PSEN1: variants seen among roughly 807,000 people sequenced by gnomAD.
PSEN1 encodes presenilin-1.
Under a neutral mutation model 53.5 loss-of-function variants are expected in PSEN1, and 15 were observed. The ratio of observed to expected loss-of-function variants is 0.28; its 90% confidence interval spans 0.19 to 0.43. The LOEUF (loss-of-function observed/expected upper bound fraction) is 0.43. Among genes scored for constraint, PSEN1 ranks in the 20% least tolerant of loss-of-function variants. The pLI is 1.00. For synonymous variants in PSEN1, 208 were observed against 209.8 expected, an observed-to-expected ratio of 0.99 and a Z score of 0.08; for missense variants, 387 against 571.2, an observed-to-expected ratio of 0.68 and a Z score of 3.29.
rs140189461 is a variant in PSEN1, at chr14:73,170,833, C to G, written c.124C>G (p.Arg42Gly). The change falls in exon 4 of 12, where the codon CGG becomes GGG. Residue 42 changes from arginine (R) to glycine (G), a missense_variant. Arg to Gly is a moderately radical substitution (Grantham distance 125, BLOSUM62 -2). Around this residue, in one of 4 missense-constraint regions of PSEN1, gnomAD observed 99 missense variants for 101.5 expected, o/e 0.98. Coordinates refer to ENST00000324501, the MANE Select transcript of PSEN1 (RefSeq NM_000021.4). ...AGAACGGCAGGAGCACAACGACAGA[C>G]GGAGCCTTGGCCACCCTGAGCCATT... Reference protein sequence around the residue: ...NRERQEHNDRRSLGHPEPLSN... With the variant: ...NRERQEHNDRGSLGHPEPLSN... 33 of 1,614,044 alleles carry G rather than the reference C, an allele frequency of 2.0e-5. No individual in the cohort carries two copies. Among genetic ancestry groups the G allele is most frequent in the Middle Eastern group, 1.6e-4 (1 of 6,084 alleles).
At position 73,173,599 on chromosome 14, in the gene PSEN1, T is replaced by C; in HGVS notation, c.372T>C (p.Thr124=). The C allele has an allele frequency of 6.2e-7, 1 of 1,614,108 alleles. No individual in the cohort carries two copies. The change falls in exon 5 of 12, where the codon ACT becomes ACC. Residue 124 remains threonine, a synonymous_variant. Coordinates refer to ENST00000324501, the MANE Select transcript of PSEN1 (RefSeq NM_000021.4). ...IYTPFTEDTE[T]VGQRALHSIL... ...CCCCATTCACAGAAGATACCGAGAC[T>C]GTGGGCCAGAGAGCCCTGCACTCAA...
At chr14:73,177,286 A>C (rs1408375478) in intron 5 of PSEN1, among the ~76,000 whole-genome samples, 1 of 151,792 alleles carries the variant, frequency 6.6e-6, no homozygotes. Flanking sequence ...TCCTTTGCAT[A>C]TCTCTTCTAC....
chr14:73,148,882 G>T (rs2140509787), intron 3 of PSEN1, among the ~76,000 whole-genome samples: 1 of 152,168 alleles, frequency 6.6e-6, no homozygotes, highest in East Asian at 1.9e-4. Context: ...ACAGTGAGCT[G>T]ACGTCGCGCC....
chr14:73,143,169 A>G (rs971942311), intron 1 of PSEN1, among the ~76,000 whole-genome samples: 1 of 152,192 alleles, frequency 6.6e-6, no homozygotes, highest in Admixed American at 6.5e-5. Flanking sequence ...CCGAAATCAA[A>G]TCTAGCTTTG....
intron 7 of PSEN1, among the ~76,000 whole-genome samples, chr14:73,194,239 C>CT (rs142355580): frequency 0.092 from 13,679 of 149,096 alleles, 1,586 homozygotes; most frequent in African/African-American, 0.28. Flanking sequence ...TGGCCATACT[C>CT]TTTTTTTTTT....
At chr14:73,151,267 A>G (rs1325262569) in intron 3 of PSEN1, among the ~76,000 whole-genome samples, 1 of 152,216 alleles carries the variant, frequency 6.6e-6, no homozygotes, top group Non-Finnish European at 1.5e-5. Context: ...AACATTTGGT[A>G]GGTTCCAGTT....
rs745315765 is a variant in PSEN1, at chr14:73,198,144, AGGATAT to A, written c.868+16_868+21del. The A allele has an allele frequency of 4.1e-6, 6 of 1,450,708 alleles. No homozygotes were observed. In the South Asian group the frequency reaches 4.6e-5, roughly 11 times the overall value. 89.9% of individuals were successfully genotyped at this position (1,450,708 alleles called of 1,614,324 possible). Reference sequence around the variant, plus strand: ...CATTTACTCCTGTAAGTATTTGAGAAGGATATTGAATTAGTAATCAGTGTAGAATTT... The same window carrying A: ...CATTTACTCCTGTAAGTATTTGAGAATGAATTAGTAATCAGTGTAGAATTT... On this transcript the variant is annotated intron_variant, in intron 8 of 11. Transcript: ENST00000324501.
At chr14:73,173,893 G>A (rs1185937658) in intron 5 of PSEN1, 186 bp downstream of exon 5, 20 of 741,588 alleles carry the variant, frequency 2.7e-5, no homozygotes, top group Non-Finnish European at 4.4e-5. Context: ...CCAGGTGCAT[G>A]TGTAATGCCA....
intron 8 of PSEN1, among the ~76,000 whole-genome samples, chr14:73,200,026 T>C (rs1466088826): frequency 1.4e-4 from 22 of 152,156 alleles, no homozygotes; most frequent in Admixed American, 1.4e-3. Flanking sequence ...GGATTATAGC[T>C]GTGAGCCACC....
intron 9 of PSEN1, among the ~76,000 whole-genome samples, chr14:73,208,348 T>C (rs1163693811): frequency 6.6e-6 from 1 of 152,194 alleles, no homozygotes; most frequent in Non-Finnish European, 1.5e-5. Flanking sequence ...AAAGGTGCTT[T>C]ATTGAGCAAC....
intron 1 of PSEN1, among the ~76,000 whole-genome samples, chr14:73,138,503 GCCAC>G (rs1444399715): frequency 6.6e-6 from 1 of 150,452 alleles, no homozygotes; most frequent in Admixed American, 6.7e-5. Flanking sequence ...ACAGGCGTGA[GCCAC>G]CCTGCCCGGC....
chr14:73,203,633 C>T (rs1255663645), intron 8 of PSEN1, among the ~76,000 whole-genome samples: 3 of 152,124 alleles, frequency 2.0e-5, no homozygotes, highest in Non-Finnish European at 4.4e-5. Context: ...GCAAAATGCT[C>T]TTACTGACAG....
chr14:73,168,392 C>T (rs995877959), intron 3 of PSEN1: 2 of 151,968 alleles, frequency 1.3e-5, no homozygotes, highest in African/African-American at 4.8e-5. Flanking sequence ...ATTTCAGCAG[C>T]TGGGAGAACA....
At chr14:73,197,637 T>C (rs1899009075) in intron 7 of PSEN1, 1 of 203,394 alleles carries the variant, frequency 4.9e-6, no homozygotes, top group South Asian at 8.2e-5. Flanking sequence ...TTCATATCCG[T>C]GATTAGTTTA....
intron 1 of PSEN1, among the ~76,000 whole-genome samples, chr14:73,137,502 A>T (rs576434645): frequency 2.6e-5 from 4 of 152,324 alleles, no homozygotes; most frequent in Admixed American, 2.6e-4. Context: ...ACAGGAATCA[A>T]TTCCATAGAT....
intron 7 of PSEN1, among the ~76,000 whole-genome samples, chr14:73,196,366 ATG>A (rs1312549479): frequency 6.7e-6 from 1 of 149,734 alleles, no homozygotes. Flanking sequence ...TTCTTTGTGT[ATG>A]TGTGTTTTAT....
chr14:73,153,662 A>ATTTTTTT (rs34369135), intron 3 of PSEN1, among the ~76,000 whole-genome samples: 1 of 138,666 alleles, frequency 7.2e-6, no homozygotes, highest in Non-Finnish European at 1.5e-5. Flanking sequence ...CCATTAAGTC[A>ATTTTTTT]TTTTTTTTTT....
In PSEN1 at chr14:73,223,121, G is replaced by A. The variant is rs139574327; in HGVS notation, c.*3832G>A. The A allele has an allele frequency of 1.2e-3, 179 of 152,308 alleles. No individual in the cohort carries two copies. Among genetic ancestry groups the A allele is most frequent in the African/African-American group, 3.9e-3 (161 of 41,568 alleles). The allele number at this position is 152,308 out of a possible 1,614,324, so 9.4% of individuals were successfully genotyped here. The stretch of plus-strand genomic sequence containing the variant: ...AGAGTGTACCAACAAAGCTGTCATC[G>A]GGCTCACAGCTCAGAGACATCTGCA... On this transcript the variant is annotated 3_prime_UTR_variant, in exon 12 of 12. Transcript: ENST00000324501.
chr14:73,165,242 C>T (rs541611365), intron 3 of PSEN1, among the ~76,000 whole-genome samples: 19 of 152,222 alleles, frequency 1.2e-4, no homozygotes, highest in Non-Finnish European at 2.2e-4. Flanking sequence ...AGGCATGAGC[C>T]ACCACGCCCG....
Sources: gnomAD v4.1 joint callset for allele counts (sites outside exome capture counted in the v4.1 genomes callset) on GRCh38, gnomAD v4.1.1 for gene constraint, gnomAD v4.1.1 regional missense constraint, MANE v1.5 for transcripts, NCBI Gene and HGNC (gene_info 2026-07-23, HGNC 2026-07-21) for gene names.